MARK2: variants seen among roughly 807,000 people sequenced by gnomAD.
The protein encoded by MARK2 is serine/threonine-protein kinase MARK2.
MARK2 carries 16 observed loss-of-function variants against 89.8 expected under a neutral mutation model. The ratio of observed to expected loss-of-function variants is 0.18; its 90% CI spans 0.12 to 0.27. MARK2 has a LOEUF of 0.27. Ranked by LOEUF, MARK2 falls within the 10% of genes least tolerant of loss-of-function variation. The pLI, the probability that MARK2 is intolerant of heterozygous loss-of-function variation, is 1.00. For missense variants in MARK2, 621 were observed against 1,049.9 expected, an observed-to-expected ratio of 0.59 and a Z score of 5.65; for synonymous variants, 382 against 399.5, an observed-to-expected ratio of 0.96 and a Z score of 0.52.
intron 3 of MARK2, 53 bp from the exon 4 acceptor site, chr11:63,898,179 G>GACCT: frequency 2.0e-6 from 3 of 1,504,272 alleles, no homozygotes; most frequent in Non-Finnish European, 2.8e-6. Context: ...TGTTTGGAGA[G>GACCT]ACCTGATGGG....
At chr11:63,881,116 C>T (rs1939061849) in intron 1 of MARK2, among the ~76,000 whole-genome samples, 2 of 151,268 alleles carry the variant, frequency 1.3e-5, no homozygotes, top group African/African-American at 4.9e-5. Flanking sequence ...CCAGCCTGGC[C>T]AACATGGTGA....
chr11:63,874,913 A>G (rs1938654463), intron 1 of MARK2, among the ~76,000 whole-genome samples: 1 of 152,148 alleles, frequency 6.6e-6, no homozygotes, highest in Non-Finnish European at 1.5e-5. Flanking sequence ...GTCTGTTCCC[A>G]TGGGGTAGGG....
intron 1 of MARK2, among the ~76,000 whole-genome samples, chr11:63,869,938 C>T (rs528809863): frequency 5.9e-5 from 9 of 152,300 alleles, no homozygotes; most frequent in African/African-American, 1.4e-4. Context: ...GGCTCGTCTC[C>T]GGTGCCTCAT....
At chr11:63,841,320 C>CCT (rs2016005446) in intron 1 of MARK2, among the ~76,000 whole-genome samples, 1 of 152,176 alleles carries the variant, frequency 6.6e-6, no homozygotes, top group Non-Finnish European at 1.5e-5. Flanking sequence ...TTTTTCTCTG[C>CCT]AGGGTTGACC....
chr11:63,907,030 C>T (rs1414523410), intron 17 of MARK2, among the ~76,000 whole-genome samples: 1 of 152,134 alleles, frequency 6.6e-6, no homozygotes, highest in Non-Finnish European at 1.5e-5. Flanking sequence ...AGTCCCCTTC[C>T]TGGCTCTTTC....
At chr11:63,848,582 G>A (rs7939351) in intron 1 of MARK2, among the ~76,000 whole-genome samples, 69,532 of 145,080 alleles carry the variant, frequency 0.48, 18,586 homozygotes, top group East Asian at 0.88. Flanking sequence ...ACAGGGTCTC[G>A]CTCTGTCGCC....
chr11:63,859,419 C>T (rs1360138952), intron 1 of MARK2, among the ~76,000 whole-genome samples: 1 of 151,434 alleles, frequency 6.6e-6, no homozygotes, highest in Non-Finnish European at 1.5e-5. Flanking sequence ...CTCACAGGTT[C>T]AAGCAATTCT....
intron 1 of MARK2, among the ~76,000 whole-genome samples, chr11:63,843,428 A>G (rs2016120200): frequency 6.6e-6 from 1 of 152,240 alleles, no homozygotes; most frequent in Middle Eastern, 3.4e-3. Context: ...CTTCTGCTGC[A>G]GTGGGAAGGG....
intron 1 of MARK2, chr11:63,890,140 C>A: frequency 1.1e-6 from 1 of 871,404 alleles, no homozygotes; most frequent in Non-Finnish European, 1.7e-6. Flanking sequence ...AGTTGCCTCA[C>A]TTGGGGCCTT....
At chr11:63,870,797 C>T (rs1219507360) in intron 1 of MARK2, among the ~76,000 whole-genome samples, 1 of 152,162 alleles carries the variant, frequency 6.6e-6, no homozygotes, top group African/African-American at 2.4e-5. Flanking sequence ...AGCTGAGGCT[C>T]ACCACAAAGA....
At chr11:63,892,206 A>G (rs1939914995) in intron 1 of MARK2, among the ~76,000 whole-genome samples, 1 of 152,156 alleles carries the variant, frequency 6.6e-6, no homozygotes, top group Admixed American at 6.5e-5. Flanking sequence ...TCCCCCTTCA[A>G]ACATCTACCA....
chr11:63,895,529 G>T, intron 2 of MARK2, 51 bp from the exon 3 acceptor site: 1 of 1,554,290 alleles, frequency 6.4e-7, no homozygotes, highest in Non-Finnish European at 8.9e-7. Context: ...TTGGAATCCT[G>T]GGTTTCGCTG....
intron 1 of MARK2, chr11:63,888,478 A>G: frequency 2.1e-6 from 2 of 959,872 alleles, no homozygotes; most frequent in Non-Finnish European, 2.4e-6. Flanking sequence ...GGGGCTGCCC[A>G]CTTCCGGGGA....
At chr11:63,881,984 A>T (rs901825181) in intron 1 of MARK2, among the ~76,000 whole-genome samples, 2 of 152,194 alleles carry the variant, frequency 1.3e-5, no homozygotes, top group Non-Finnish European at 2.9e-5. Flanking sequence ...AAGAGTACAG[A>T]TAGAGCGCTG....
At chr11:63,869,296 C>T (rs1938315241) in intron 1 of MARK2, 1 of 158,462 alleles carries the variant, frequency 6.3e-6, no homozygotes, top group Non-Finnish European at 1.4e-5. Context: ...CATGGATTAC[C>T]TGCTCGCGGC....
chr11:63,888,782 TGAG>T, intron 1 of MARK2: 1 of 1,248,538 alleles, frequency 8.0e-7, no homozygotes, highest in South Asian at 1.3e-5. Context: ...TACTTTTCAC[TGAG>T]GAGGTGGTGG....
intron 1 of MARK2, among the ~76,000 whole-genome samples, chr11:63,864,368 T>C (rs370956733): frequency 6.6e-6 from 1 of 152,194 alleles, no homozygotes; most frequent in East Asian, 1.9e-4. Context: ...TTCTCCTGCC[T>C]CATCCTCCCG....
rs574315633 is a variant in MARK2, at chr11:63,910,987, C to G, written c.*1750C>G. ...CCTGCACTTAGTTTCTCCTCTGGAT[C>G]AAACACGTAATAAAGAGAATGTTTG... On this transcript the variant is annotated 3_prime_UTR_variant, in exon 19 of 19. Coordinates refer to ENST00000402010, the MANE Select transcript of MARK2 (RefSeq NM_001039469.3). 6.6e-6 allele frequency: 1 copy of G among 152,430 alleles called. No individual in the cohort carries two copies. The highest frequency in any genetic ancestry group is 1.9e-4 in the East Asian group (1 of 5,180). 9.4% of individuals were successfully genotyped at this position (152,430 alleles called of 1,614,324 possible).
At chr11:63,901,809 C>A (rs1940914340) in intron 11 of MARK2, among the ~76,000 whole-genome samples, 1 of 151,406 alleles carries the variant, frequency 6.6e-6, no homozygotes, top group African/African-American at 2.4e-5. Flanking sequence ...CTGAGTATCC[C>A]CACATGAACT....
Sources: gnomAD v4.1 joint callset for allele counts (sites outside exome capture counted in the v4.1 genomes callset) on GRCh38, gnomAD v4.1.1 for gene constraint, MANE v1.5 for transcripts, NCBI Gene and HGNC (gene_info 2026-07-23, HGNC 2026-07-21) for gene names.